Variants in MYOM2 observed in about 807,000 individuals in gnomAD.
MYOM2 encodes the protein myomesin-2.
Under a neutral mutation model 187.6 loss-of-function variants are expected in MYOM2, and 254 were observed. That is an observed-to-expected ratio of 1.35 (90% CI 1.22 to 1.50). The LOEUF (loss-of-function observed/expected upper bound fraction) is 1.50, where lower values mean the gene tolerates loss of function less well. Among genes scored for constraint, MYOM2 ranks in the 40% most tolerant of loss-of-function variants. The pLI is 0.00. For missense variants in MYOM2, 2,796 were observed against 1,924.0 expected (o/e 1.45, Z -8.48); for synonymous variants, 981 against 753.8 (o/e 1.30, Z -4.94).
intron 14 of MYOM2, among the ~76,000 whole-genome samples, chr8:2,087,123 G>T (rs989629462): frequency 2.6e-5 from 4 of 152,186 alleles, no homozygotes; most frequent in African/African-American, 9.7e-5. Context: ...CTGACTTGGT[G>T]ACGACCCCCT....
rs111378718 is a variant in MYOM2 at position 2,096,217 on chromosome 8, C to T, written c.2126-30C>T. 5.5e-4 allele frequency: 881 copies of T among 1,596,798 alleles called. 12 individuals are homozygous for T. In the African/African-American group the frequency reaches 9.7e-3, roughly 18 times the overall value. On this transcript the variant is annotated intron_variant, in intron 17 of 36. Transcript: ENST00000262113. ...GGACAAAGCCCCCAGCTGAGGCCCT[C>T]GGTAACTCCCTGGTTGTGCTTCCTT... is the stretch of plus-strand genomic sequence containing the variant.
chr8:2,127,023 G>A (rs1382515865), intron 31 of MYOM2, among the ~76,000 whole-genome samples: 12 of 152,056 alleles, frequency 7.9e-5, no homozygotes, highest in South Asian at 6.2e-4. Context: ...GAGGCTGGGG[G>A]AGCTGCTTCT....
chr8:2,073,505 G>T lies in MYOM2; in HGVS notation c.1120+5G>T. On this transcript the variant is annotated splice_donor_5th_base_variant and intron_variant, in intron 10 of 36. Transcript: ENST00000262113. The stretch of plus-strand genomic sequence containing the variant: ...GCGCCTTCCTGTTTGTCAGAGGTGC[G>T]GGCAGCAGGGTTCTCAGGGTGCAGA... 1.9e-6 allele frequency: 3 copies of T among 1,594,148 alleles called. No homozygotes were observed. Among genetic ancestry groups the T allele is most frequent in the Non-Finnish European group, 1.7e-6 (2 of 1,176,138 alleles).
chr8:2,096,153 T>C, intron 17 of MYOM2, 94 bp from the exon 18 acceptor site: 2 of 1,283,182 alleles, frequency 1.6e-6, no homozygotes, highest in Non-Finnish European at 2.2e-6. Flanking sequence ...TCCACGTTGC[T>C]TCCTCCTCCC....
intron 6 of MYOM2, among the ~76,000 whole-genome samples, chr8:2,063,050 T>C (rs976199466): frequency 2.0e-5 from 3 of 152,200 alleles, no homozygotes; most frequent in African/African-American, 4.8e-5. Context: ...TGCTTGCATA[T>C]GCAAATATTT....
intron 23 of MYOM2, among the ~76,000 whole-genome samples, chr8:2,107,199 C>T (rs1359834367): frequency 2.6e-5 from 4 of 152,060 alleles, no homozygotes; most frequent in South Asian, 2.1e-4. Context: ...CCTAGCATCA[C>T]GTGTATTTGT....
chr8:2,123,665 C>CTT (rs745580505), intron 30 of MYOM2, 23 bp downstream of exon 30: 8 of 1,601,350 alleles, frequency 5.0e-6, no homozygotes, highest in Non-Finnish European at 6.8e-6. Flanking sequence ...CTCCTTTGTT[C>CTT]TGTGAACAAG....
At chr8:2,114,865 C>T (rs990602136) in intron 25 of MYOM2, among the ~76,000 whole-genome samples, 11 of 152,154 alleles carry the variant, frequency 7.2e-5, no homozygotes, top group African/African-American at 2.6e-4. Context: ...GTAGCTGGGA[C>T]CACAGGGATG....
intron 6 of MYOM2, among the ~76,000 whole-genome samples, chr8:2,061,766 C>T (rs1159755378): frequency 6.6e-6 from 1 of 152,210 alleles, no homozygotes; most frequent in East Asian, 1.9e-4. Flanking sequence ...CCTCATTTCT[C>T]CAGATAAATC....
intron 35 of MYOM2, 39 bp downstream of exon 35, chr8:2,142,436 T>C (rs1798305430): frequency 2.5e-6 from 4 of 1,609,280 alleles, no homozygotes; most frequent in Non-Finnish European, 3.4e-6. Context: ...TGGTGAATTA[T>C]TTGGGGTGGG....
At position 2,057,371 on chromosome 8, in the gene MYOM2, A is replaced by G. The variant is rs757105658; in HGVS notation, c.287A>G (p.Tyr96Cys). Residue 96 changes from tyrosine (Y) to cysteine (C), a missense_variant, in exon 4 of 37, where the codon TAT (tyrosine) becomes TGT (cysteine). Physicochemically the swap from Tyr to Cys is radical, Grantham distance 194. Coordinates refer to ENST00000262113, the MANE Select transcript of MYOM2 (RefSeq NM_003970.4). ...AGGTACCAGTCCCTGGTGGCCGCCT[A>G]TGGTGAGGCCAAGCGACAGCGCTTC... ...RSRYQSLVAAYGEAKRQRFLS... is the reference protein window; with the variant it reads ...RSRYQSLVAACGEAKRQRFLS... 36 of 1,612,098 alleles carry G rather than the reference A, an allele frequency of 2.2e-5. No homozygotes were observed. Among genetic ancestry groups the G allele is most frequent in the Non-Finnish European group, 3.0e-5 (35 of 1,179,080 alleles).
chr8:2,049,275 T>A (rs1818407125), intron 1 of MYOM2, among the ~76,000 whole-genome samples: 1 of 152,176 alleles, frequency 6.6e-6, no homozygotes, highest in Non-Finnish European at 1.5e-5. Flanking sequence ...AAGGATGGCC[T>A]TGGGGCAGGG....
chr8:2,055,324 G>A (rs1818628052), intron 3 of MYOM2, among the ~76,000 whole-genome samples: 1 of 152,198 alleles, frequency 6.6e-6, no homozygotes. Flanking sequence ...GACCCACAGG[G>A]CTGTGATTTG....
In MYOM2 at chr8:2,052,290, T is replaced by C. The variant is rs142122678; in HGVS notation, c.240T>C (p.Asp80=). Reference sequence around the variant, plus strand: ...CGAAGCGAGTGAGCACGCAGGAAGATGAGGAGCAGGAGAACAGAAGCAGGT... The same window carrying C: ...CGAAGCGAGTGAGCACGCAGGAAGACGAGGAGCAGGAGAACAGAAGCAGGT... The part of the protein sequence containing the change: ...VCAKRVSTQE[D]EEQENRSRYQ... Residue 80 remains aspartate, a synonymous_variant, in exon 3 of 37, where the codon GAT becomes GAC. Coordinates refer to ENST00000262113, the MANE Select transcript of MYOM2 (RefSeq NM_003970.4). 34 of 1,606,460 alleles carry C rather than the reference T, an allele frequency of 2.1e-5. No individual in the cohort carries two copies. The highest frequency in any genetic ancestry group is 2.8e-5 in the Non-Finnish European group (33 of 1,176,694).
intron 8 of MYOM2, among the ~76,000 whole-genome samples, chr8:2,070,398 G>T (rs886581012): frequency 3.3e-5 from 5 of 152,198 alleles, no homozygotes; most frequent in African/African-American, 9.6e-5. Context: ...CGCGATTTCT[G>T]TGTGACTTTT....
At chr8:2,090,538 G>C (rs1419341874) in intron 15 of MYOM2, among the ~76,000 whole-genome samples, 2 of 152,058 alleles carry the variant, frequency 1.3e-5, no homozygotes, top group Non-Finnish European at 2.9e-5. Flanking sequence ...TTGTGTCATG[G>C]GGGTTTGTTG....
intron 1 of MYOM2, among the ~76,000 whole-genome samples, chr8:2,050,285 G>A (rs1818440031): frequency 6.6e-6 from 1 of 152,094 alleles, no homozygotes; most frequent in African/African-American, 2.4e-5. Flanking sequence ...AATGTCACCT[G>A]CCTCGTGGGC....
chr8:2,096,531 C>G (rs1304753141), intron 18 of MYOM2, 97 bp downstream of exon 18: 10 of 1,160,756 alleles, frequency 8.6e-6, no homozygotes, highest in Non-Finnish European at 1.2e-5. Context: ...TAGTTTGATA[C>G]AGACACAAAA....
At chr8:2,086,513 T>TGCGTGGCCCCACACTGTCGTGATCTCC (rs1796078929) in intron 14 of MYOM2, among the ~76,000 whole-genome samples, 1 of 115,482 alleles carries the variant, frequency 8.7e-6, no homozygotes, top group African/African-American at 3.0e-5. Context: ...TCGTGATCTC[T>TGCGTGGCCCCACACTGTCGTGATCTCC]GCGTGGCCCC....
Sources: allele counts gnomAD v4.1 joint callset (sites outside exome capture counted in the v4.1 genomes callset), GRCh38; gene constraint gnomAD v4.1.1; transcripts MANE v1.5; gene names NCBI Gene and HGNC (gene_info 2026-07-23, HGNC 2026-07-21).